ATG5: variants seen among roughly 807,000 people sequenced by gnomAD.
The protein encoded by ATG5 is autophagy related 5.
ATG5 carries 14 observed loss-of-function variants against 36.5 expected under a neutral mutation model. The ratio of observed to expected loss-of-function variants is 0.38; its 90% CI spans 0.25 to 0.60. ATG5 has a LOEUF of 0.60. Ranked by LOEUF, ATG5 falls within the 20% of genes least tolerant of loss-of-function variation. The pLI, the probability that ATG5 is intolerant of heterozygous loss-of-function variation, is 0.60. For missense variants in ATG5, 195 were observed against 326.7 expected, an observed-to-expected ratio of 0.60 and a Z score of 3.11; for synonymous variants, 95 against 101.5, an observed-to-expected ratio of 0.94 and a Z score of 0.38.
At chr6:106,324,104 C>G (rs1430920312) in intron 1 of ATG5, among the ~76,000 whole-genome samples, 1 of 152,122 alleles carries the variant, frequency 6.6e-6, no homozygotes, top group East Asian at 1.9e-4. Flanking sequence ...TAGCACTTTC[C>G]GCCACTTGAC....
At chr6:106,261,858 CA>C (rs1779032564) in intron 5 of ATG5, among the ~76,000 whole-genome samples, 1 of 152,110 alleles carries the variant, frequency 6.6e-6, no homozygotes, top group African/African-American at 2.4e-5. Context: ...GTGCTACTGG[CA>C]TCTAGTCTGT....
intron 6 of ATG5, among the ~76,000 whole-genome samples, chr6:106,203,623 C>A (rs891591711): frequency 1.3e-5 from 2 of 152,080 alleles, no homozygotes; most frequent in Non-Finnish European, 2.9e-5. Flanking sequence ...TTGCTTGTTT[C>A]CTGAGACAAG....
At chr6:106,262,738 C>A (rs1452854795) in intron 5 of ATG5, among the ~76,000 whole-genome samples, 4 of 152,174 alleles carry the variant, frequency 2.6e-5, no homozygotes, top group South Asian at 2.1e-4. Flanking sequence ...CATTCCTTCA[C>A]CCAGGATGTG....
At chr6:106,296,122 CT>C (rs1769920925) in intron 3 of ATG5, among the ~76,000 whole-genome samples, 1 of 151,980 alleles carries the variant, frequency 6.6e-6, no homozygotes, top group East Asian at 1.9e-4. Context: ...TTCTGAGTTT[CT>C]TTTTTGAGCA....
chr6:106,323,751 CA>C (rs914781061), intron 1 of ATG5, among the ~76,000 whole-genome samples: 3 of 152,214 alleles, frequency 2.0e-5, no homozygotes, highest in Non-Finnish European at 2.9e-5. Flanking sequence ...ATACAGTCAA[CA>C]TAGCAATCAG....
intron 6 of ATG5, among the ~76,000 whole-genome samples, chr6:106,246,997 A>G (rs1360683443): frequency 6.6e-6 from 1 of 152,248 alleles, no homozygotes; most frequent in African/African-American, 2.4e-5. Flanking sequence ...TTTGAAAATT[A>G]TACCTGCAAC....
At position 106,202,096 on chromosome 6, in the gene ATG5, GA is replaced by G. The variant is rs1240979524; in HGVS notation, c.574-8del. ...AAGGTCTTTCAGTCGTTGTCTATTT[GA>G]AAAAGGAAAAAATGATTCAAGCAAT... is the stretch of plus-strand genomic sequence containing the variant. On this transcript the variant is annotated splice_region_variant and splice_polypyrimidine_tract_variant and intron_variant, in intron 6 of 7. Transcript: ENST00000369076. The G allele has an allele frequency of 5.6e-6, 9 of 1,603,626 alleles. No homozygotes were observed. The highest frequency in any genetic ancestry group is 7.7e-6 in the Non-Finnish European group (9 of 1,173,380).
chr6:106,246,392 TCACACACACACACACACACACA>T (rs72252671), intron 6 of ATG5, among the ~76,000 whole-genome samples: 1 of 129,570 alleles, frequency 7.7e-6, no homozygotes, highest in African/African-American at 2.9e-5. Context: ...TCTCTCTCTC[TCACACACACACACACACACACA>T]CACACACACA....
At chr6:106,224,164 T>C (rs577821646) in intron 6 of ATG5, among the ~76,000 whole-genome samples, 23 of 152,306 alleles carry the variant, frequency 1.5e-4, no homozygotes, top group African/African-American at 2.9e-4. Flanking sequence ...AGTCAGATAA[T>C]AAAAGATCAA....
intron 7 of ATG5, among the ~76,000 whole-genome samples, chr6:106,201,273 A>ATGTGTG (rs1436145806): frequency 4.7e-4 from 43 of 91,726 alleles, no homozygotes; most frequent in African/African-American, 2.5e-3. Flanking sequence ...ATTCAAGTGT[A>ATGTGTG]TATGTGTGTG....
intron 5 of ATG5, among the ~76,000 whole-genome samples, chr6:106,266,816 A>C (rs182512428): frequency 7.7e-4 from 117 of 152,344 alleles, no homozygotes; most frequent in African/African-American, 2.8e-3. Context: ...TCATGCTAAA[A>C]ACTCTCAATA....
At chr6:106,239,698 C>T (rs2743560) in intron 6 of ATG5, among the ~76,000 whole-genome samples, 12,422 of 152,204 alleles carry the variant, frequency 0.082, 527 homozygotes, top group South Asian at 0.13. Context: ...CATATTCATC[C>T]AGTGGGAAAA....
At chr6:106,224,173 A>G (rs1777356427) in intron 6 of ATG5, among the ~76,000 whole-genome samples, 1 of 152,266 alleles carries the variant, frequency 6.6e-6, no homozygotes, top group Non-Finnish European at 1.5e-5. Context: ...ATAAAAGATC[A>G]AAGATGTTTA....
chr6:106,186,725 G>GA, intron 7 of ATG5, 49 bp from the exon 8 acceptor site: 1 of 1,591,286 alleles, frequency 6.3e-7, no homozygotes, highest in Non-Finnish European at 8.6e-7. Flanking sequence ...AACAGTTGAA[G>GA]AAAAAATAAT....
At chr6:106,286,330 C>T (rs1780080475) in intron 4 of ATG5, among the ~76,000 whole-genome samples, 1 of 152,096 alleles carries the variant, frequency 6.6e-6, no homozygotes, top group African/African-American at 2.4e-5. Context: ...TTGTTTGTTC[C>T]CTTTCTAAGG....
chr6:106,220,184 T>G (rs150480917), intron 6 of ATG5, among the ~76,000 whole-genome samples: 1 of 152,306 alleles, frequency 6.6e-6, no homozygotes, highest in African/African-American at 2.4e-5. Flanking sequence ...ATAAGCAATC[T>G]GCAAAAGAAG....
chr6:106,294,768 G>A (rs929079087), intron 3 of ATG5, among the ~76,000 whole-genome samples: 6 of 150,192 alleles, frequency 4.0e-5, no homozygotes, highest in South Asian at 2.1e-4. Context: ...TCTTGAGCCC[G>A]AGAGGCAGAG....
chr6:106,289,699 A>G (rs1780225288), intron 4 of ATG5, among the ~76,000 whole-genome samples: 1 of 152,194 alleles, frequency 6.6e-6, no homozygotes, highest in Non-Finnish European at 1.5e-5. Flanking sequence ...TAAAAATACC[A>G]AGAATAAAAC....
chr6:106,243,442 C>T (rs563830505), intron 6 of ATG5, among the ~76,000 whole-genome samples: 3 of 151,170 alleles, frequency 2.0e-5, no homozygotes, highest in South Asian at 4.2e-4. Flanking sequence ...GTGGGTGGAT[C>T]GCTTGAGCCG....
Sources: gnomAD v4.1 joint callset for allele counts (sites outside exome capture counted in the v4.1 genomes callset) on GRCh38, gnomAD v4.1.1 for gene constraint, MANE v1.5 for transcripts, NCBI Gene and HGNC (gene_info 2026-07-23, HGNC 2026-07-21) for gene names.